Variants in ABTB2 observed in about 807,000 individuals in gnomAD.
The protein encoded by ABTB2 is ankyrin repeat and BTB/POZ domain-containing protein 2.
A neutral mutation model predicts 104.1 loss-of-function variants in ABTB2; 56 were observed. The ratio of observed to expected loss-of-function variants is 0.54; its 90% confidence interval spans 0.43 to 0.67. The LOEUF (loss-of-function observed/expected upper bound fraction) is 0.67. ABTB2 is among the 30% of genes least tolerant of loss of function. The probability of loss-of-function intolerance (pLI) is 0.00; values close to 1 mark genes in which losing one functional copy is unlikely to be tolerated. For synonymous variants in ABTB2, 606 were observed against 608.2 expected (o/e 1.00, Z 0.05); for missense variants, 1,279 against 1,407.7 (o/e 0.91, Z 1.46).
intron 10 of ABTB2, among the ~76,000 whole-genome samples, chr11:34,162,358 G>A (rs1199080591): frequency 3.9e-5 from 6 of 152,196 alleles, no homozygotes; most frequent in Non-Finnish European, 7.3e-5. Flanking sequence ...ACCCCAAGAC[G>A]TGGCACTGTT....
chr11:34,201,393 A>G (rs1853336467), intron 2 of ABTB2, among the ~76,000 whole-genome samples: 1 of 152,212 alleles, frequency 6.6e-6, no homozygotes, highest in Admixed American at 6.5e-5. Flanking sequence ...CGTCTTCAAA[A>G]TAAGGCCTAG....
intron 1 of ABTB2, among the ~76,000 whole-genome samples, chr11:34,225,914 C>T (rs1156837669): frequency 2.0e-5 from 3 of 148,506 alleles, no homozygotes; most frequent in Admixed American, 6.7e-5. Context: ...TTTTAGAAGC[C>T]GCTATCAAGC....
chr11:34,205,842 TG>T (rs1853402439), intron 1 of ABTB2, among the ~76,000 whole-genome samples: 1 of 152,152 alleles, frequency 6.6e-6, no homozygotes, highest in African/African-American at 2.4e-5. Context: ...GGTGTGATCT[TG>T]GTCAGGTTAC....
At chr11:34,280,132 TA>T (rs1564922388) in intron 1 of ABTB2, among the ~76,000 whole-genome samples, 1 of 152,190 alleles carries the variant, frequency 6.6e-6, no homozygotes, top group Non-Finnish European at 1.5e-5. Flanking sequence ...ATAGGTGCCA[TA>T]ATCCCTATTG....
At chr11:34,204,866 T>C (rs1347865474) in intron 1 of ABTB2, among the ~76,000 whole-genome samples, 176 bp from the exon 2 acceptor site, 2 of 152,150 alleles carry the variant, frequency 1.3e-5, no homozygotes, top group Non-Finnish European at 2.9e-5. Context: ...GACGGTGCTA[T>C]AGGGGCCAGA....
intron 1 of ABTB2, among the ~76,000 whole-genome samples, chr11:34,258,243 T>C (rs112711015): frequency 2.4e-4 from 37 of 152,372 alleles, no homozygotes; most frequent in African/African-American, 8.7e-4. Context: ...TATTACTGTG[T>C]ATCCCTCACA....
At chr11:34,298,924 A>G (rs1426914438) in intron 1 of ABTB2, among the ~76,000 whole-genome samples, 1 of 152,216 alleles carries the variant, frequency 6.6e-6, no homozygotes, top group Non-Finnish European at 1.5e-5. Flanking sequence ...CATTCTTGGT[A>G]CTTCCTCACC....
At chr11:34,322,201 G>T (rs551299738) in intron 1 of ABTB2, among the ~76,000 whole-genome samples, 1 of 152,244 alleles carries the variant, frequency 6.6e-6, no homozygotes, top group South Asian at 2.1e-4. Flanking sequence ...ACATGATCTG[G>T]TTAATAACTA....
At chr11:34,321,507 T>C (rs907294858) in intron 1 of ABTB2, among the ~76,000 whole-genome samples, 1 of 152,228 alleles carries the variant, frequency 6.6e-6, no homozygotes, top group Non-Finnish European at 1.5e-5. Context: ...TGATGTATCA[T>C]TGGGATGCAC....
intron 1 of ABTB2, among the ~76,000 whole-genome samples, chr11:34,337,108 G>A (rs117069088): frequency 1.3e-5 from 2 of 152,268 alleles, no homozygotes; most frequent in African/African-American, 2.4e-5. Context: ...AACCACCTGA[G>A]TGCAAGTGAG....
chr11:34,222,297 T>G (rs1490879740), intron 1 of ABTB2, among the ~76,000 whole-genome samples: 1 of 152,222 alleles, frequency 6.6e-6, no homozygotes, highest in Non-Finnish European at 1.5e-5. Context: ...TAAATGCTTC[T>G]GCTTAGACTT....
intron 1 of ABTB2, among the ~76,000 whole-genome samples, chr11:34,276,424 C>T (rs11032591): frequency 0.28 from 42,751 of 151,978 alleles, 7,000 homozygotes; most frequent in African/African-American, 0.44. Flanking sequence ...CCAGTTACTA[C>T]TCTTAAGGGA....
At chr11:34,240,040 A>T (rs1481928548) in intron 1 of ABTB2, among the ~76,000 whole-genome samples, 5 of 152,188 alleles carry the variant, frequency 3.3e-5, no homozygotes, top group Non-Finnish European at 7.3e-5. Flanking sequence ...CCTCACCACA[A>T]AAGATAGTTA....
chr11:34,296,856 G>A (rs1408361520), intron 1 of ABTB2, among the ~76,000 whole-genome samples: 1 of 152,238 alleles, frequency 6.6e-6, no homozygotes, highest in Non-Finnish European at 1.5e-5. Context: ...AGTTGGAGAA[G>A]GCTGTAGGGA....
At chr11:34,217,103 C>A (rs142277906) in intron 1 of ABTB2, among the ~76,000 whole-genome samples, 1 of 152,218 alleles carries the variant, frequency 6.6e-6, no homozygotes, top group East Asian at 1.9e-4. Context: ...TGCCTCTAAG[C>A]TGTTATTCTG....
At chr11:34,321,233 T>C (rs1300981767) in intron 1 of ABTB2, among the ~76,000 whole-genome samples, 1 of 152,140 alleles carries the variant, frequency 6.6e-6, no homozygotes, top group Admixed American at 6.5e-5. Flanking sequence ...GTCAAGTCAT[T>C]GCAAGGGAGA....
chr11:34,293,074 T>G (rs1854580632), intron 1 of ABTB2, among the ~76,000 whole-genome samples: 1 of 152,166 alleles, frequency 6.6e-6, no homozygotes, highest in Non-Finnish European at 1.5e-5. Context: ...TGCCTCAGAC[T>G]AGAGCAACAG....
chr11:34,284,669 A>G (rs1050295134), intron 1 of ABTB2, among the ~76,000 whole-genome samples: 2 of 152,252 alleles, frequency 1.3e-5, no homozygotes, highest in African/African-American at 4.8e-5. Context: ...AACTGTAACC[A>G]GAGAGGTGGA....
At chr11:34,219,258 A>G (rs73491827) in intron 1 of ABTB2, among the ~76,000 whole-genome samples, 4,610 of 152,248 alleles carry the variant, frequency 0.03, 231 homozygotes, top group African/African-American at 0.11. Flanking sequence ...TGGAGCTGGA[A>G]AGTTCTATCA....
Sources: gnomAD v4.1 joint callset for allele counts (sites outside exome capture counted in the v4.1 genomes callset) on GRCh38, gnomAD v4.1.1 for gene constraint, MANE v1.5 for transcripts, NCBI Gene and HGNC (gene_info 2026-07-23, HGNC 2026-07-21) for gene names.